The following MBTD1 variants were observed in gnomAD, a reference collection of about 807,000 sequenced individuals.
MBTD1 encodes the protein MBT domain-containing protein 1.
MBTD1 carries 24 observed loss-of-function variants against 87.8 expected under a neutral mutation model. That is an observed-to-expected ratio of 0.27 (90% CI 0.20 to 0.38). MBTD1 has a LOEUF of 0.38. MBTD1 is among the 10% of genes least tolerant of loss of function. The pLI is 1.00. For missense variants in MBTD1, 436 were observed against 760.2 expected (o/e 0.57, Z 5.02); for synonymous variants, 237 against 248.6 (o/e 0.95, Z 0.44).
At chr17:51,254,875 CCT>C (rs1164040412) in intron 2 of MBTD1, among the ~76,000 whole-genome samples, 1 of 152,120 alleles carries the variant, frequency 6.6e-6, no homozygotes, top group Non-Finnish European at 1.5e-5. Flanking sequence ...CTAGAGATTC[CCT>C]GAGATCATTA....
At chr17:51,208,436 T>G (rs2143296116) in intron 6 of MBTD1, among the ~76,000 whole-genome samples, 1 of 152,358 alleles carries the variant, frequency 6.6e-6, no homozygotes, top group East Asian at 1.9e-4. Flanking sequence ...CAGGTTCTGC[T>G]ATCTTTCCCC....
upstream of MBTD1, chr17:51,260,609 A>G (rs763940148): frequency 4.3e-6 from 7 of 1,612,618 alleles, no homozygotes; most frequent in Admixed American, 5.0e-5. Context: ...GAGGAGACGA[A>G]TGAAACTGGA....
At chr17:51,201,274 A>T (rs1263533098) in intron 12 of MBTD1, among the ~76,000 whole-genome samples, 1 of 152,216 alleles carries the variant, frequency 6.6e-6, no homozygotes, top group Non-Finnish European at 1.5e-5. Flanking sequence ...AACACAGGAA[A>T]CTGAAGATAA....
intron 16 of MBTD1, chr17:51,185,521 T>C (rs1300868003): frequency 6.6e-6 from 1 of 152,252 alleles, no homozygotes; most frequent in African/African-American, 2.4e-5. Flanking sequence ...ATGCAGGTAT[T>C]GAATTTCCAA....
At chr17:51,211,056 G>A (rs1266863534) in intron 6 of MBTD1, among the ~76,000 whole-genome samples, 1 of 147,956 alleles carries the variant, frequency 6.8e-6, no homozygotes, top group Non-Finnish European at 1.5e-5. Context: ...AGAATTGCTT[G>A]AACCCAGGAG....
intron 2 of MBTD1, among the ~76,000 whole-genome samples, chr17:51,256,111 AAAG>A (rs1354005818): frequency 6.6e-6 from 1 of 152,246 alleles, no homozygotes; most frequent in Non-Finnish European, 1.5e-5. Flanking sequence ...GAAAAAGGAA[AAAG>A]AAGGAAAGCC....
intron 12 of MBTD1, among the ~76,000 whole-genome samples, chr17:51,197,041 GATATATATATATATATATATATAT>G (rs71149351): frequency 4.1e-4 from 36 of 87,594 alleles, no homozygotes; most frequent in Non-Finnish European, 4.6e-4. Context: ...ATATATACAA[GATATATATATATATATATATATAT>G]ATATATATAT....
intron 2 of MBTD1, among the ~76,000 whole-genome samples, chr17:51,230,695 G>A (rs759705477): frequency 2.0e-5 from 3 of 151,750 alleles, no homozygotes; most frequent in Non-Finnish European, 4.4e-5. Flanking sequence ...TAGCACACTC[G>A]GAGGCCAGTG....
intron 6 of MBTD1, among the ~76,000 whole-genome samples, chr17:51,213,796 C>T (rs944582063): frequency 7.2e-5 from 11 of 152,148 alleles, no homozygotes; most frequent in Non-Finnish European, 1.2e-4. Context: ...GGAGCCAAGG[C>T]TCTGGCAGCA....
At chr17:51,189,969 T>C (rs1406218642) in intron 16 of MBTD1, among the ~76,000 whole-genome samples, 1 of 152,220 alleles carries the variant, frequency 6.6e-6, no homozygotes, top group Non-Finnish European at 1.5e-5. Context: ...CTTGTGCCTA[T>C]AAACGAGAGG....
rs187431771 is a variant in MBTD1 at position 51,215,745 on chromosome 17, A to G, written c.486+1589T>C. The stretch of plus-strand genomic sequence containing the variant: ...ACAGAAATAAGATTCCATTTAAGGC[A>G]AGATGTCACTGACTAAGGGCTTCAT... On this transcript the variant is annotated intron_variant, in intron 6 of 16. Coordinates refer to ENST00000586178, the MANE Select transcript of MBTD1 (RefSeq NM_017643.3). 1.6e-4 allele frequency among the ~76,000 whole-genome samples: 25 copies of G among 152,306 alleles called. No individual in the cohort carries two copies. The East Asian group carries it at 4.8e-3, about 29-fold the overall frequency.
At chr17:51,193,906 C>G (rs1425596776) in intron 13 of MBTD1, among the ~76,000 whole-genome samples, 2 of 152,116 alleles carry the variant, frequency 1.3e-5, no homozygotes, top group Non-Finnish European at 2.9e-5. Context: ...TTGGCGTGAG[C>G]CACTGCACCT....
At chr17:51,223,584 C>G (rs1303673852) in intron 3 of MBTD1, among the ~76,000 whole-genome samples, 2 of 151,920 alleles carry the variant, frequency 1.3e-5, no homozygotes. Context: ...CCCAGTAATC[C>G]CAGCACTTTG....
upstream of MBTD1, chr17:51,260,938 C>G (rs1598469243): frequency 2.0e-6 from 3 of 1,527,932 alleles, no homozygotes; most frequent in East Asian, 8.2e-5. Flanking sequence ...TGAGGGAGGC[C>G]GCGGCGCGCG....
At chr17:51,223,555 C>G (rs941673617) in intron 3 of MBTD1, among the ~76,000 whole-genome samples, 14 of 148,756 alleles carry the variant, frequency 9.4e-5, no homozygotes, top group Non-Finnish European at 1.5e-4. Flanking sequence ...ACAACAAAAG[C>G]CTGGGCGTGG....
intron 1 of MBTD1, 109 bp downstream of exon 1, chr17:51,259,726 G>T: frequency 9.4e-7 from 1 of 1,063,682 alleles, no homozygotes; most frequent in African/African-American, 1.6e-5. Flanking sequence ...GTGGGATGGA[G>T]AAGCAGGCCA....
rs2050266058 is a variant in MBTD1 at position 51,180,690 on chromosome 17, T to C, written c.1773A>G (p.Thr591=). 1 of 1,504,136 alleles carries C rather than the reference T, an allele frequency of 6.6e-7. No individual in the cohort carries two copies. Among genetic ancestry groups the C allele is most frequent in the Non-Finnish European group, 9.1e-7 (1 of 1,103,670 alleles). The allele number at this position is 1,504,136 out of a possible 1,614,324, so 93.2% of individuals were successfully genotyped here. The change falls in exon 17 of 17, where the codon ACA becomes ACG. Residue 591 remains threonine, a synonymous_variant. Transcript: ENST00000586178. ...GCAACTCCTCCTTCAGCTGCAGTGT[T>C]GTCACTGAATGAAAGAGAGAGAAAC... ...SQQYKGHKKM[T]TLQLKEELLD... is the part of the protein sequence containing the mutation.
intron 6 of MBTD1, among the ~76,000 whole-genome samples, chr17:51,212,438 C>CTTTT (rs59653419): frequency 7.3e-6 from 1 of 136,264 alleles, no homozygotes; most frequent in African/African-American, 2.7e-5. Flanking sequence ...GTACAAATGA[C>CTTTT]TTTTTTTTTT....
chr17:51,198,737 A>G (rs1598309991), intron 12 of MBTD1, among the ~76,000 whole-genome samples: 1 of 152,204 alleles, frequency 6.6e-6, no homozygotes, highest in African/African-American at 2.4e-5. Context: ...GGCATGAGCC[A>G]CCAAGCCTGG....
Sources: allele counts gnomAD v4.1 joint callset (sites outside exome capture counted in the v4.1 genomes callset), GRCh38; gene constraint gnomAD v4.1.1; transcripts MANE v1.5; gene names NCBI Gene and HGNC (gene_info 2026-07-23, HGNC 2026-07-21).